CNTNAP4: variants seen among roughly 807,000 people sequenced by gnomAD.
CNTNAP4 encodes the protein contactin associated protein family member 4.
A neutral mutation model predicts 148.4 loss-of-function variants in CNTNAP4; 98 were observed. The observed-to-expected ratio is 0.66, with a 90% CI of 0.56 to 0.78. The LOEUF (loss-of-function observed/expected upper bound fraction) is 0.78. Among genes scored for constraint, CNTNAP4 ranks in the 30% least tolerant of loss-of-function variants. The probability of loss-of-function intolerance (pLI) is 0.00; values close to 1 mark genes in which losing one functional copy is unlikely to be tolerated. For missense variants in CNTNAP4, 1,935 were observed against 1,565.6 expected, an observed-to-expected ratio of 1.24 and a Z score of -3.98; for synonymous variants, 730 against 565.1, an observed-to-expected ratio of 1.29 and a Z score of -4.14.
intron 8 of CNTNAP4, among the ~76,000 whole-genome samples, chr16:76,461,628 G>T (rs2080966352): frequency 6.6e-6 from 1 of 152,126 alleles, no homozygotes; most frequent in Non-Finnish European, 1.5e-5. Context: ...ATTTTATTGG[G>T]TATATCTTGG....
chr16:76,380,176 C>A (rs1768925258), intron 3 of CNTNAP4, among the ~76,000 whole-genome samples: 1 of 152,152 alleles, frequency 6.6e-6, no homozygotes, highest in Non-Finnish European at 1.5e-5. Flanking sequence ...TAGTGGCATA[C>A]ACTAAAGTTA....
intron 1 of CNTNAP4, among the ~76,000 whole-genome samples, chr16:76,311,531 T>C (rs985816956): frequency 6.6e-6 from 1 of 152,200 alleles, no homozygotes; most frequent in South Asian, 2.1e-4. Flanking sequence ...GTAACTAGTA[T>C]ATATACATTT....
intron 2 of CNTNAP4, among the ~76,000 whole-genome samples, chr16:76,332,843 A>G (rs1963657639): frequency 6.6e-6 from 1 of 152,078 alleles, no homozygotes; most frequent in Non-Finnish European, 1.5e-5. Flanking sequence ...AGTCTTAGAT[A>G]CCGTCTGATG....
At chr16:76,358,290 T>G (rs1254555010) in intron 3 of CNTNAP4, among the ~76,000 whole-genome samples, 3 of 152,098 alleles carry the variant, frequency 2.0e-5, no homozygotes, top group Admixed American at 6.6e-5. Context: ...GAGCTGAGAT[T>G]GCACCACTGC....
intron 3 of CNTNAP4, among the ~76,000 whole-genome samples, chr16:76,381,018 A>C (rs1025901919): frequency 1.3e-5 from 2 of 152,106 alleles, no homozygotes; most frequent in African/African-American, 4.8e-5. Context: ...CACTTTCCCA[A>C]GTTTTTTCTC....
chr16:76,501,926 G>A (rs368966155), intron 15 of CNTNAP4, among the ~76,000 whole-genome samples: 3,264 of 152,120 alleles, frequency 0.021, 127 homozygotes, highest in African/African-American at 0.075. Context: ...AAAATTAGCC[G>A]GGCGTAGTGG....
At chr16:76,543,962 A>T (rs936178041) in intron 21 of CNTNAP4, among the ~76,000 whole-genome samples, 4 of 152,200 alleles carry the variant, frequency 2.6e-5, no homozygotes, top group African/African-American at 9.7e-5. Context: ...GTGATCACCT[A>T]CCATGTAAAC....
chr16:76,536,185 G>A (rs1262714636), intron 18 of CNTNAP4, among the ~76,000 whole-genome samples: 6 of 151,952 alleles, frequency 3.9e-5, no homozygotes, highest in Admixed American at 6.6e-5. Flanking sequence ...ATCATTTAAA[G>A]CATTACTTTT....
chr16:76,501,595 G>A (rs1055217445), intron 15 of CNTNAP4, among the ~76,000 whole-genome samples: 8 of 152,146 alleles, frequency 5.3e-5, no homozygotes, highest in African/African-American at 1.9e-4. Flanking sequence ...GTTGGGGAGT[G>A]GGATGCTACT....
At chr16:76,444,345 G>T (rs2143080923) in intron 4 of CNTNAP4, among the ~76,000 whole-genome samples, 1 of 152,142 alleles carries the variant, frequency 6.6e-6, no homozygotes, top group Admixed American at 6.6e-5. Context: ...AATTCACCTA[G>T]AATTAAATAA....
At chr16:76,556,695 A>T (rs902972152) in intron 23 of CNTNAP4, among the ~76,000 whole-genome samples, 33 of 152,236 alleles carry the variant, frequency 2.2e-4, no homozygotes, top group Non-Finnish European at 4.3e-4. Flanking sequence ...GAGAAGCAAA[A>T]TATGTAACAA....
At chr16:76,500,784 T>C (rs935812435) in intron 15 of CNTNAP4, among the ~76,000 whole-genome samples, 1 of 151,394 alleles carries the variant, frequency 6.6e-6, no homozygotes, top group Admixed American at 6.6e-5. Context: ...TTTATATATA[T>C]ATATTTTCTT....
At chr16:76,285,442 A>G (rs939644140) in intron 1 of CNTNAP4, among the ~76,000 whole-genome samples, 8 of 152,262 alleles carry the variant, frequency 5.3e-5, no homozygotes, top group African/African-American at 1.7e-4. Flanking sequence ...CACAACGGAA[A>G]AAAATGGTGT....
At chr16:76,353,418 T>A (rs886171289) in intron 2 of CNTNAP4, among the ~76,000 whole-genome samples, 25 of 152,208 alleles carry the variant, frequency 1.6e-4, no homozygotes, top group Non-Finnish European at 3.4e-4. Context: ...TGCAATTTTT[T>A]AAAATGCTGC....
intron 3 of CNTNAP4, among the ~76,000 whole-genome samples, chr16:76,414,350 T>G (rs1176406919): frequency 6.6e-6 from 1 of 151,466 alleles, no homozygotes; most frequent in Non-Finnish European, 1.5e-5. Flanking sequence ...TATTAAGCAA[T>G]TCTTGCATTC....
At chr16:76,292,720 T>C (rs1017320640) in intron 1 of CNTNAP4, among the ~76,000 whole-genome samples, 6 of 152,186 alleles carry the variant, frequency 3.9e-5, no homozygotes, top group Admixed American at 3.9e-4. Flanking sequence ...TTTTTTTCTG[T>C]CTTTTTGAAG....
chr16:76,430,348 G>A (rs2079563452), intron 4 of CNTNAP4, among the ~76,000 whole-genome samples: 1 of 152,086 alleles, frequency 6.6e-6, no homozygotes, highest in African/African-American at 2.4e-5. Flanking sequence ...TGCTCTGGGT[G>A]GCATGGCAAA....
intron 2 of CNTNAP4, among the ~76,000 whole-genome samples, chr16:76,345,334 A>G (rs2144392020): frequency 6.6e-6 from 1 of 152,324 alleles, no homozygotes; most frequent in South Asian, 2.1e-4. Flanking sequence ...ACTGGGGAGT[A>G]TGATTCATTA....
chr16:76,440,894 C>T (rs968338834), intron 4 of CNTNAP4, among the ~76,000 whole-genome samples: 2 of 152,028 alleles, frequency 1.3e-5, no homozygotes, highest in African/African-American at 4.8e-5. Flanking sequence ...ATTTGAGAAG[C>T]CTCAAACTTC....
Sources: allele counts gnomAD v4.1 joint callset (sites outside exome capture counted in the v4.1 genomes callset), GRCh38; gene constraint gnomAD v4.1.1; transcripts MANE v1.5; gene names NCBI Gene and HGNC (gene_info 2026-07-23, HGNC 2026-07-21).